The following DNAI3 variants were observed in gnomAD, a reference collection of about 807,000 sequenced individuals.
DNAI3 encodes WD repeat domain 63.
A neutral mutation model predicts 115.5 loss-of-function variants in DNAI3; 83 were observed. The observed-to-expected ratio is 0.72, with a 90% CI of 0.60 to 0.86. DNAI3 has a LOEUF of 0.86. Among genes scored for constraint, DNAI3 ranks in the 40% least tolerant of loss-of-function variants. The pLI, the probability that DNAI3 is intolerant of heterozygous loss-of-function variation, is 0.00. For missense variants in DNAI3, 1,004 were observed against 1,075.8 expected (o/e 0.93, Z 0.93); for synonymous variants, 320 against 347.0 (o/e 0.92, Z 0.86).
At chr1:85,122,143 G>T (rs1017662769) in intron 18 of DNAI3, among the ~76,000 whole-genome samples, 2 of 152,188 alleles carry the variant, frequency 1.3e-5, no homozygotes, top group African/African-American at 2.4e-5. Flanking sequence ...AAACTTGAGT[G>T]ATTTAATTTA....
intron 14 of DNAI3, 77 bp downstream of exon 14, chr1:85,104,674 C>A: frequency 9.0e-7 from 1 of 1,106,708 alleles, no homozygotes; most frequent in Non-Finnish European, 1.4e-6. Context: ...AAATCAGTGT[C>A]TTCTTCTCCT....
Position 85,110,096 on chromosome 1 carries a change from A to T in DNAI3, c.1747A>T (p.Ile583Leu). 1 of 1,613,478 alleles carries T rather than the reference A, an allele frequency of 6.2e-7. No individual in the cohort carries two copies. The highest frequency in any genetic ancestry group is 8.5e-7 in the Non-Finnish European group (1 of 1,179,714). The change falls in exon 16 of 23, where the codon ATA (isoleucine) becomes TTA (leucine). Residue 583 changes from isoleucine to leucine, a missense_variant. Ile to Leu is a conservative substitution (Grantham distance 5). This residue lies in a region of DNAI3 where 429 missense variants were observed against 454.3 expected (regional missense o/e 0.94). Coordinates refer to ENST00000294664, the MANE Select transcript of DNAI3 (RefSeq NM_145172.5). Reference sequence around the variant, plus strand: ...AAGTTTAGACCACTGTCCAACCAAGATAAGCCTGAATGAAGACCATCTTCT... The same window carrying T: ...AAGTTTAGACCACTGTCCAACCAAGTTAAGCCTGAATGAAGACCATCTTCT... ...ETSLDHCPTKISLNEDHLLCK... is the reference protein window; with the variant it reads ...ETSLDHCPTKLSLNEDHLLCK...
rs77746158 is a variant in DNAI3, at chr1:85,090,473, G to A, written c.857+241G>A. Among the ~76,000 whole-genome samples, 526 of 152,280 alleles carry A rather than the reference G, an allele frequency of 3.5e-3. 4 individuals are homozygous for A. The highest frequency in any genetic ancestry group is 0.012 in the African/African-American group (499 of 41,556). ...TGTGAGGAGTTGAGTGTGTGAGGAT[G>A]TTTTCCTAATTGCAGATTAACATTT... On this transcript the variant is annotated intron_variant, in intron 8 of 22. Coordinates refer to ENST00000294664, the MANE Select transcript of DNAI3 (RefSeq NM_145172.5).
In DNAI3 at chr1:85,085,987, C is replaced by T; in HGVS notation, c.697C>T (p.Gln233Ter). ...ACAACTTGAAAAAGATGTTGGCATG[C>T]AAGTAATCCCCCAAATAAAGGACAT... ...LKQLEKDVGM[Q>*]VIPQIKDIST... is the part of the protein sequence containing the mutation. Residue 233 changes from glutamine (Q) to a stop codon, truncating the protein, a stop_gained, in exon 7 of 23, where the codon CAA becomes TAA. Transcript: ENST00000294664. LOFTEE classifies it high-confidence loss of function. 1 of 1,614,056 alleles carries T rather than the reference C, an allele frequency of 6.2e-7. No homozygotes were observed. The highest frequency in any genetic ancestry group is 1.1e-5 in the South Asian group (1 of 91,086).
chr1:85,073,007 T>C (rs375991238), intron 2 of DNAI3, 47 bp from the exon 3 acceptor site: 22 of 1,148,042 alleles, frequency 1.9e-5, no homozygotes, highest in African/African-American at 3.2e-5. Flanking sequence ...AATTGAGATG[T>C]ATTTGATTCA....
intron 22 of DNAI3, among the ~76,000 whole-genome samples, chr1:85,131,460 A>AT (rs1359219326): frequency 6.8e-6 from 1 of 147,786 alleles, no homozygotes; most frequent in Non-Finnish European, 1.5e-5. Flanking sequence ...AAAAAAAAAA[A>AT]AAATAAAGCA....
intron 3 of DNAI3, among the ~76,000 whole-genome samples, chr1:85,079,404 G>A (rs1175526601): frequency 6.6e-6 from 1 of 152,128 alleles, no homozygotes; most frequent in African/African-American, 2.4e-5. Context: ...CAAATTACCT[G>A]AATTATTGTA....
chr1:85,096,526 A>T (rs200328668), intron 11 of DNAI3, among the ~76,000 whole-genome samples: 1 of 2,450 alleles, frequency 4.1e-4, no homozygotes, highest in Non-Finnish European at 6.1e-3. Context: ...TATAAAGATT[A>T]TATATATATA....
chr1:85,125,335 A>G (rs1415674654), intron 19 of DNAI3, among the ~76,000 whole-genome samples: 1 of 152,062 alleles, frequency 6.6e-6, no homozygotes, highest in South Asian at 2.1e-4. Context: ...ATATACACAC[A>G]CATATATATA....
At chr1:85,110,247 C>T in intron 16 of DNAI3, 112 bp downstream of exon 16, 1 of 844,794 alleles carries the variant, frequency 1.2e-6, no homozygotes, top group Non-Finnish European at 1.8e-6. Flanking sequence ...GTCAGCAGAT[C>T]GAGATCATCC....
chr1:85,090,714 T>G (rs1324580742), intron 8 of DNAI3, among the ~76,000 whole-genome samples: 1 of 152,208 alleles, frequency 6.6e-6, no homozygotes, highest in Non-Finnish European at 1.5e-5. Flanking sequence ...CCTGCACTCT[T>G]ACTGGCTTTG....
chr1:85,092,348 G>A (rs1024053054), intron 8 of DNAI3, among the ~76,000 whole-genome samples: 1 of 152,124 alleles, frequency 6.6e-6, no homozygotes, highest in Non-Finnish European at 1.5e-5. Flanking sequence ...TATATTTTAG[G>A]AGTATCTGTT....
chr1:85,129,889 T>C (rs1277707084), intron 21 of DNAI3, 101 bp from the exon 22 acceptor site: 3 of 1,333,744 alleles, frequency 2.2e-6, no homozygotes, highest in Non-Finnish European at 3.0e-6. Context: ...ATTAGGTAGG[T>C]CGTCTACCTA....
chr1:85,094,963 G>A (rs2100582602), intron 10 of DNAI3, among the ~76,000 whole-genome samples: 1 of 152,322 alleles, frequency 6.6e-6, no homozygotes, highest in East Asian at 1.9e-4. Context: ...TGCGGCCTTG[G>A]AGAGTGCATT....
rs779434229 is a variant in DNAI3 at position 85,132,950 on chromosome 1, T to C, written c.2628T>C (p.Leu876=). The C allele has an allele frequency of 1.9e-6, 3 of 1,613,832 alleles. No individual in the cohort carries two copies. Among genetic ancestry groups the C allele is most frequent in the Non-Finnish European group, 2.5e-6 (3 of 1,179,924 alleles). ...LELEKTVLIN[L]GLIKVTEKGS... ...TGGAAAAGACTGTTCTTATCAACCT[T>C]GGCCTAATCAAAGTCACAGAGAAGG... The change falls in exon 23 of 23, where the codon CTT becomes CTC. Residue 876 remains leucine (L), a synonymous_variant. Coordinates refer to ENST00000294664, the MANE Select transcript of DNAI3 (RefSeq NM_145172.5).
intron 5 of DNAI3, among the ~76,000 whole-genome samples, chr1:85,084,248 G>GTA (rs1175531348): frequency 3.1e-5 from 1 of 32,466 alleles, no homozygotes; most frequent in African/African-American, 8.6e-5. Context: ...TATCAGCAGT[G>GTA]TGTATATATA....
Position 85,081,721 on chromosome 1 carries a change from C to T in DNAI3, c.285+306C>T, listed in dbSNP as rs181262743. Among the ~76,000 whole-genome samples the T allele has an allele frequency of 2.2e-3, 339 of 152,268 alleles. 13 individuals carry two copies. The East Asian group carries it at 0.057, about 25-fold the overall frequency. On this transcript the variant is annotated intron_variant, in intron 4 of 22. Coordinates refer to ENST00000294664, the MANE Select transcript of DNAI3 (RefSeq NM_145172.5). ...CCAGGCTAGAGACGCAATCATGGCGCACTGCAACCTCCGCCTCCCAGGTTC... is the reference window on the plus strand; with the variant it reads ...CCAGGCTAGAGACGCAATCATGGCGTACTGCAACCTCCGCCTCCCAGGTTC...
chr1:85,128,593 G>C (rs530418265), intron 20 of DNAI3, 115 bp from the exon 21 acceptor site: 1 of 757,470 alleles, frequency 1.3e-6, no homozygotes, highest in African/African-American at 1.8e-5. Context: ...AAGATCACTG[G>C]AACCACAGCA....
intron 16 of DNAI3, among the ~76,000 whole-genome samples, chr1:85,111,354 T>C (rs1371188458): frequency 6.6e-6 from 1 of 152,236 alleles, no homozygotes; most frequent in Non-Finnish European, 1.5e-5. Flanking sequence ...TTTCTCCTTC[T>C]CCACCTCTCC....
Sources: gnomAD v4.1 joint callset for allele counts (sites outside exome capture counted in the v4.1 genomes callset) on GRCh38, gnomAD v4.1.1 for gene constraint, gnomAD v4.1.1 regional missense constraint, MANE v1.5 for transcripts, NCBI Gene and HGNC (gene_info 2026-07-23, HGNC 2026-07-21) for gene names.